The following ARHGAP10 variants were observed in gnomAD, a reference collection of about 807,000 sequenced individuals.
The protein encoded by ARHGAP10 is Rho GTPase activating protein 10.
ARHGAP10 carries 87 observed loss-of-function variants against 108.6 expected under a neutral mutation model. The observed-to-expected ratio is 0.80, with a 90% confidence interval of 0.67 to 0.96. The LOEUF is 0.96. Ranked by LOEUF, ARHGAP10 falls within the 40% of genes least tolerant of loss-of-function variation. The pLI, the probability that ARHGAP10 is intolerant of heterozygous loss-of-function variation, is 0.00. For synonymous variants in ARHGAP10, 347 were observed against 341.1 expected, an observed-to-expected ratio of 1.02 and a Z score of -0.19; for missense variants, 939 against 954.5, an observed-to-expected ratio of 0.98 and a Z score of 0.21.
At chr4:147,979,624 C>T (rs143532723) in intron 18 of ARHGAP10, among the ~76,000 whole-genome samples, 8 of 151,976 alleles carry the variant, frequency 5.3e-5, no homozygotes, top group South Asian at 4.2e-4. Flanking sequence ...TTGCTTTGGG[C>T]GGTATGGAGA....
intron 15 of ARHGAP10, among the ~76,000 whole-genome samples, chr4:147,951,904 AC>A (rs1738616473): frequency 1.3e-5 from 2 of 152,090 alleles, no homozygotes. Context: ...GTGCATTATT[AC>A]CCCCCAAAGT....
chr4:147,860,052 G>A (rs886816252), intron 5 of ARHGAP10, among the ~76,000 whole-genome samples: 1 of 152,212 alleles, frequency 6.6e-6, no homozygotes, highest in African/African-American at 2.4e-5. Flanking sequence ...TCAGTGAATT[G>A]AGATGCTCAA....
intron 1 of ARHGAP10, among the ~76,000 whole-genome samples, chr4:147,762,976 AGACAGGACATAAACTTT>A (rs1248325956): frequency 4.6e-5 from 7 of 152,250 alleles, no homozygotes; most frequent in African/African-American, 1.2e-4. Flanking sequence ...ATGGTTAAGG[AGACAGGACATAAACTTT>A]GACAGGACAT....
chr4:148,044,625 T>G (rs896961478), intron 19 of ARHGAP10, among the ~76,000 whole-genome samples: 1 of 152,174 alleles, frequency 6.6e-6, no homozygotes, highest in Non-Finnish European at 1.5e-5. Flanking sequence ...CCATTTGAGA[T>G]TCTCTTAATT....
At chr4:147,847,018 G>C in intron 3 of ARHGAP10, 133 bp from the exon 4 acceptor site, 2 of 635,100 alleles carry the variant, frequency 3.1e-6, no homozygotes, top group Non-Finnish European at 5.4e-6. Flanking sequence ...TTGTTGCATT[G>C]GCAGAGTGAG....
At chr4:147,852,727 TTTTA>T (rs1422000129) in intron 4 of ARHGAP10, among the ~76,000 whole-genome samples, 1,505 of 55,106 alleles carry the variant, frequency 0.027, 49 homozygotes, top group African/African-American at 0.082. Context: ...TTTTTTTTTT[TTTTA>T]AAATGGAGCG....
intron 1 of ARHGAP10, among the ~76,000 whole-genome samples, chr4:147,800,222 T>C (rs1731521879): frequency 6.6e-6 from 1 of 152,204 alleles, no homozygotes; most frequent in East Asian, 1.9e-4. Flanking sequence ...TGAGGGACTT[T>C]CCTGACTGTG....
At chr4:147,788,203 T>A (rs1427716330) in intron 1 of ARHGAP10, among the ~76,000 whole-genome samples, 3 of 152,132 alleles carry the variant, frequency 2.0e-5, no homozygotes, top group Non-Finnish European at 4.4e-5. Flanking sequence ...TCCCAGCACT[T>A]TGGGAGGCCT....
At chr4:147,782,944 TTA>T (rs947346026) in intron 1 of ARHGAP10, among the ~76,000 whole-genome samples, 58 of 139,544 alleles carry the variant, frequency 4.2e-4, no homozygotes, top group Admixed American at 3.7e-4. Flanking sequence ...AAATTATATA[TTA>T]TATAAATTAT....
intron 16 of ARHGAP10, among the ~76,000 whole-genome samples, chr4:147,964,815 G>A (rs1325770135): frequency 1.3e-5 from 2 of 152,144 alleles, no homozygotes; most frequent in African/African-American, 2.4e-5. Context: ...TACCTCATTA[G>A]GGGAGGCATG....
intron 19 of ARHGAP10, among the ~76,000 whole-genome samples, chr4:148,043,766 GTATATATATGTATATATATATGTA>G (rs1224867525): frequency 1.4e-5 from 2 of 141,640 alleles, no homozygotes; most frequent in African/African-American, 5.3e-5. Context: ...ATATATATGT[GTATATATATGTATATATATATGTA>G]TATATATATG....
chr4:148,009,122 ACTT>A (rs1560872907), intron 18 of ARHGAP10, among the ~76,000 whole-genome samples: 2 of 151,736 alleles, frequency 1.3e-5, no homozygotes, highest in South Asian at 4.2e-4. Context: ...GATCCTCAAT[ACTT>A]CTCTTTTTTC....
chr4:148,039,762 G>A (rs930145133), intron 19 of ARHGAP10, among the ~76,000 whole-genome samples: 2 of 151,886 alleles, frequency 1.3e-5, no homozygotes, highest in Non-Finnish European at 1.5e-5. Context: ...TTACGTGCAG[G>A]ATTTTCCTTA....
chr4:147,792,419 A>G (rs999823648), intron 1 of ARHGAP10, among the ~76,000 whole-genome samples: 1 of 152,170 alleles, frequency 6.6e-6, no homozygotes, highest in Non-Finnish European at 1.5e-5. Flanking sequence ...AGAGAAGTAG[A>G]TTAATCATAA....
chr4:147,855,152 GC>G (rs1402890054), intron 4 of ARHGAP10, among the ~76,000 whole-genome samples: 1 of 152,170 alleles, frequency 6.6e-6, no homozygotes, highest in Non-Finnish European at 1.5e-5. Flanking sequence ...AAATGCAGGG[GC>G]CTGACTTCCA....
At chr4:148,071,503 C>T (rs1730176369) in intron 22 of ARHGAP10, among the ~76,000 whole-genome samples, 1 of 152,202 alleles carries the variant, frequency 6.6e-6, no homozygotes, top group Admixed American at 6.5e-5. Flanking sequence ...GTAATCCCAG[C>T]TACTCAGGAG....
chr4:147,925,745 A>G (rs1412917015), intron 13 of ARHGAP10, among the ~76,000 whole-genome samples: 1 of 152,230 alleles, frequency 6.6e-6, no homozygotes, highest in Non-Finnish European at 1.5e-5. Context: ...AGTAGAAGAC[A>G]CAAGACTCCT....
chr4:147,806,793 T>A (rs1266543911), intron 1 of ARHGAP10, among the ~76,000 whole-genome samples: 1 of 152,128 alleles, frequency 6.6e-6, no homozygotes, highest in Non-Finnish European at 1.5e-5. Context: ...CCTTGAATTC[T>A]TGGCCTTAAG....
chr4:147,902,023 G>T (rs529872091), intron 10 of ARHGAP10, among the ~76,000 whole-genome samples: 49 of 152,308 alleles, frequency 3.2e-4, no homozygotes, highest in African/African-American at 1.1e-3. Context: ...GCAGTGGTTC[G>T]TGATTGTCAC....
Sources: allele counts gnomAD v4.1 joint callset (sites outside exome capture counted in the v4.1 genomes callset), GRCh38; gene constraint gnomAD v4.1.1; transcripts MANE v1.5; gene names NCBI Gene and HGNC (gene_info 2026-07-23, HGNC 2026-07-21).